CHFR: variants seen among roughly 807,000 people sequenced by gnomAD.
CHFR encodes checkpoint with forkhead and ring finger domains.
CHFR carries 57 observed loss-of-function variants against 87.6 expected under a neutral mutation model. The observed-to-expected ratio is 0.65, with a 90% confidence interval of 0.53 to 0.81. The LOEUF is 0.81. Ranked by LOEUF, CHFR falls within the 30% of genes least tolerant of loss-of-function variation. The probability of loss-of-function intolerance (pLI) is 0.00; values close to 1 mark genes in which losing one functional copy is unlikely to be tolerated. For missense variants in CHFR, 797 were observed against 865.8 expected, an observed-to-expected ratio of 0.92 and a Z score of 1.00; for synonymous variants, 381 against 359.2, an observed-to-expected ratio of 1.06 and a Z score of -0.69.
chr12:132,859,218 A>C lies in CHFR; in HGVS notation c.761T>G (p.Leu254Arg), dbSNP rs1360404336. Residue 254 changes from leucine to arginine, a missense_variant, in exon 8 of 18, where the codon CTT becomes CGT. Coordinates refer to ENST00000450056, the MANE Select transcript of CHFR (RefSeq NM_001161346.2). ...GACCAACAACTGCCCGTTCAGGTCA[A>C]GGTCCCCATCTACAGGAGAAAGGGA... Reference protein sequence around the residue: ...VKKKMRGDGDLDLNGQLLVAQ... With the variant: ...VKKKMRGDGDRDLNGQLLVAQ... 2 of 1,612,890 alleles carry C rather than the reference A, an allele frequency of 1.2e-6. No homozygotes were observed. Among genetic ancestry groups the C allele is most frequent in the Non-Finnish European group, 1.7e-6 (2 of 1,179,432 alleles).
At chr12:132,847,541 TCAAAG>T (rs1381824906) in intron 14 of CHFR, 6 of 1,073,532 alleles carry the variant, frequency 5.6e-6, no homozygotes, top group African/African-American at 5.0e-5. Context: ...TCTGTGGGCA[TCAAAG>T]CAGAGTGTGG....
intron 12 of CHFR, among the ~76,000 whole-genome samples, chr12:132,850,996 T>TA (rs1826464627): frequency 7.1e-6 from 1 of 140,346 alleles, no homozygotes; most frequent in African/African-American, 2.5e-5. Context: ...TATATATATA[T>TA]ATGTTTTGTT....
chr12:132,865,302 A>AG (rs1267175048), intron 6 of CHFR, among the ~76,000 whole-genome samples: 1 of 152,188 alleles, frequency 6.6e-6, no homozygotes, highest in Admixed American at 6.5e-5. Context: ...AAGGGTACAC[A>AG]GCCCAAGAGA....
chr12:132,858,953 G>A, intron 8 of CHFR, 115 bp downstream of exon 8: 6 of 1,032,524 alleles, frequency 5.8e-6, no homozygotes, highest in Non-Finnish European at 8.3e-6. Flanking sequence ...AGTAACCTCA[G>A]CAGATGCCAG....
At chr12:132,845,109 T>A (rs1196992876) in intron 15 of CHFR, among the ~76,000 whole-genome samples, 1 of 152,206 alleles carries the variant, frequency 6.6e-6, no homozygotes, top group African/African-American at 2.4e-5. Context: ...AGTGAACTAC[T>A]ACTATAGTGG....
intron 9 of CHFR, chr12:132,856,839 G>A: frequency 1.5e-6 from 1 of 688,752 alleles, no homozygotes; most frequent in Non-Finnish European, 2.7e-6. Context: ...GCTGGTGGAG[G>A]GACCGCCCTC....
chr12:132,850,933 C>G (rs1386205257), intron 12 of CHFR, among the ~76,000 whole-genome samples: 2 of 149,574 alleles, frequency 1.3e-5, no homozygotes, highest in Non-Finnish European at 3.0e-5. Flanking sequence ...AAAGGACAAG[C>G]TCCATTTTTA....
Position 132,841,073 on chromosome 12 carries a change from A to G in CHFR, c.*481T>C, listed in dbSNP as rs1950696585. ...TAAGCACCAAACCTATTAAAATAAA[A>G]AATAGATAAAATGCTGTGGTTTTCC... On this transcript the variant is annotated 3_prime_UTR_variant, in exon 18 of 18. Transcript: ENST00000450056. 6.5e-6 allele frequency: 1 copy of G among 153,774 alleles called. No homozygotes were observed. The highest frequency in any genetic ancestry group is 6.5e-5 in the Admixed American group (1 of 15,368). The allele number at this position is 153,774 out of a possible 1,614,324, so 9.5% of individuals were successfully genotyped here.
At chr12:132,868,134 G>C (rs1310883866) in intron 6 of CHFR, among the ~76,000 whole-genome samples, 1 of 152,100 alleles carries the variant, frequency 6.6e-6, no homozygotes, top group African/African-American at 2.4e-5. Flanking sequence ...AACAGCATCT[G>C]CAAAACTAGT....
intron 6 of CHFR, among the ~76,000 whole-genome samples, chr12:132,868,386 G>A (rs1482419485): frequency 1.3e-5 from 2 of 151,070 alleles, no homozygotes; most frequent in African/African-American, 5.0e-5. Flanking sequence ...GCTACTCAGA[G>A]GCTGAGGCAG....
chr12:132,845,649 C>CAT (rs776981925), intron 15 of CHFR, among the ~76,000 whole-genome samples: 1 of 151,968 alleles, frequency 6.6e-6, no homozygotes, highest in African/African-American at 2.4e-5. Context: ...GAACCTGTCT[C>CAT]ATATATATAT....
chr12:132,861,596 G>GACC lies in CHFR; in HGVS notation c.619_621dup (p.Gly207dup). 1 of 1,614,182 alleles carries GACC rather than the reference G, an allele frequency of 6.2e-7. No homozygotes were observed. Among genetic ancestry groups the GACC allele is most frequent in the Non-Finnish European group, 8.5e-7 (1 of 1,180,032 alleles). On this transcript the variant is annotated inframe_insertion, in exon 7 of 18. Coordinates refer to ENST00000450056, the MANE Select transcript of CHFR (RefSeq NM_001161346.2). ...GAGACTTCATCACTTGCCACAGAGG[G>GACC]ACCACTTCCTTTAGGGGAGATGCCA...
At chr12:132,857,031 AGGGACCACCCTCACG>A (rs1367475817) in intron 9 of CHFR, among the ~76,000 whole-genome samples, 2 of 65,552 alleles carry the variant, frequency 3.1e-5, no homozygotes, top group Admixed American at 3.4e-4. Context: ...GTGCTGGTGG[AGGGACCACCCTCACG>A]TGCCCGGGTG....
At chr12:132,861,808 T>C (rs1951216192) in intron 6 of CHFR, 174 bp from the exon 7 acceptor site, 10 of 590,200 alleles carry the variant, frequency 1.7e-5, no homozygotes, top group Non-Finnish European at 2.4e-5. Context: ...ATCTTAACTC[T>C]ATTTGTGCCT....
rs1445433006 is a variant in CHFR at position 132,832,794 on chromosome 12, G to C, written c.*8760C>G. The stretch of plus-strand genomic sequence containing the variant: ...CTATGCAATAAAATATACCCGTGTT[G>C]TGTGTGCAGTTCAGCGACTGTAGTA... On this transcript the variant is annotated 3_prime_UTR_variant, in exon 18 of 18. Coordinates refer to ENST00000450056, the MANE Select transcript of CHFR (RefSeq NM_001161346.2). 1 of 152,192 alleles carries C rather than the reference G, an allele frequency of 6.6e-6. No homozygotes were observed. The highest frequency in any genetic ancestry group is 1.5e-5 in the Non-Finnish European group (1 of 68,050). The allele number at this position is 152,192 out of a possible 1,614,324, so 9.4% of individuals were successfully genotyped here.
chr12:132,848,933 G>A (rs575079133), intron 12 of CHFR: 77 of 526,424 alleles, frequency 1.5e-4, no homozygotes, highest in African/African-American at 1.3e-3. Context: ...GAAAAAAGGC[G>A]AGGCTCACAT....
intron 2 of CHFR, 141 bp downstream of exon 2, chr12:132,887,055 C>T (rs979217408): frequency 4.5e-6 from 3 of 663,832 alleles, no homozygotes; most frequent in Admixed American, 4.2e-5. Context: ...GGGCAGAACA[C>T]CGAATAAATA....
In CHFR at chr12:132,835,631, G is replaced by A. The variant is rs1950640514; in HGVS notation, c.*5923C>T. 1 of 190,074 alleles carries A rather than the reference G, an allele frequency of 5.3e-6. No homozygotes were observed. The highest frequency in any genetic ancestry group is 1.1e-5 in the Non-Finnish European group (1 of 90,026). The allele number at this position is 190,074 out of a possible 1,614,324, so 11.8% of individuals were successfully genotyped here. On this transcript the variant is annotated 3_prime_UTR_variant, in exon 18 of 18. Coordinates refer to ENST00000450056, the MANE Select transcript of CHFR (RefSeq NM_001161346.2). ...ACGAGCCAAGGAGACAGACCAAAGA[G>A]GAACCGGCCCCGCTGACACCCTGAT...
At chr12:132,886,774 TGTTTC>T (rs888178314) in intron 2 of CHFR, among the ~76,000 whole-genome samples, 1 of 152,238 alleles carries the variant, frequency 6.6e-6, no homozygotes, top group African/African-American at 2.4e-5. Context: ...ATTCTATTTT[TGTTTC>T]ATTTGTCTCA....
Sources: gnomAD v4.1 joint callset for allele counts (sites outside exome capture counted in the v4.1 genomes callset) on GRCh38, gnomAD v4.1.1 for gene constraint, MANE v1.5 for transcripts, NCBI Gene and HGNC (gene_info 2026-07-23, HGNC 2026-07-21) for gene names.